NTRK3: variants seen among roughly 807,000 people sequenced by gnomAD.
The protein encoded by NTRK3 is neurotrophic receptor tyrosine kinase 3.
A neutral mutation model predicts 91.7 loss-of-function variants in NTRK3; 24 were observed. That is an observed-to-expected ratio of 0.26 (90% confidence interval 0.19 to 0.37). NTRK3 has a LOEUF of 0.37. Among genes scored for constraint, NTRK3 ranks in the 10% least tolerant of loss-of-function variants. NTRK3 has a pLI of 1.00. For missense variants in NTRK3, 880 were observed against 1,068.9 expected (o/e 0.82, Z 2.46); for synonymous variants, 483 against 404.0 (o/e 1.20, Z -2.34).
In NTRK3 at chr15:88,031,987, C is replaced by T. The variant is rs372234328; in HGVS notation, c.1585+870G>A. On this transcript the variant is annotated intron_variant, in intron 14 of 18. Coordinates refer to ENST00000394480, the Ensembl canonical transcript of NTRK3. ...CTGTAAGGTGAGGCCTCAACCTAGC[C>T]GATCACTTCTGTCCTTCCAGCTCTC... 8.2e-4 allele frequency among the ~76,000 whole-genome samples: 125 copies of T among 152,236 alleles called. 2 individuals are homozygous for T. In the South Asian group the frequency reaches 0.025, roughly 30 times the overall value.
chr15:87,967,716 G>C (rs1208668630), intron 14 of NTRK3, among the ~76,000 whole-genome samples: 2 of 152,154 alleles, frequency 1.3e-5, no homozygotes, highest in African/African-American at 4.8e-5. Context: ...TTCTTCTCCA[G>C]AGCAAGCAAA....
chr15:88,188,882 C>T (rs1367185091), intron 3 of NTRK3, among the ~76,000 whole-genome samples: 1 of 152,214 alleles, frequency 6.6e-6, no homozygotes, highest in African/African-American at 2.4e-5. Context: ...AGTTCCTCTC[C>T]TGGATTTCTC....
exon 8 of NTRK3, chr15:88,136,544 T>A (rs2151210280): frequency 6.2e-7 from 1 of 1,613,996 alleles, no homozygotes; most frequent in Non-Finnish European, 8.5e-7. Context: ...CCATTGCAAG[T>A]GATAACAGCG....
chr15:88,146,722 T>A (rs1184994569), intron 6 of NTRK3, among the ~76,000 whole-genome samples: 1 of 152,144 alleles, frequency 6.6e-6, no homozygotes, highest in African/African-American at 2.4e-5. Context: ...TGAAAAAATA[T>A]ATGGCCTCCC....
chr15:88,113,173 C>T (rs1002683343), intron 13 of NTRK3, among the ~76,000 whole-genome samples: 3 of 152,078 alleles, frequency 2.0e-5, no homozygotes, highest in African/African-American at 7.2e-5. Context: ...CTATGCAGGG[C>T]TGTATTAAGG....
intron 14 of NTRK3, among the ~76,000 whole-genome samples, chr15:88,012,962 C>T (rs567826055): frequency 4.6e-5 from 7 of 152,218 alleles, no homozygotes; most frequent in Non-Finnish European, 1.0e-4. Flanking sequence ...TTGGATAACC[C>T]CTGACTTCGA....
At chr15:88,114,554 G>T (rs1482997562) in intron 13 of NTRK3, among the ~76,000 whole-genome samples, 2 of 152,190 alleles carry the variant, frequency 1.3e-5, no homozygotes, top group African/African-American at 2.4e-5. Flanking sequence ...AAAATAGAAT[G>T]CAGTAGATCT....
At chr15:87,906,016 C>A (rs1031863338) in intron 17 of NTRK3, among the ~76,000 whole-genome samples, 2 of 152,192 alleles carry the variant, frequency 1.3e-5, no homozygotes, top group Non-Finnish European at 2.9e-5. Flanking sequence ...GCAAATCAGC[C>A]CACACATGGG....
intron 13 of NTRK3, among the ~76,000 whole-genome samples, chr15:88,112,913 G>T (rs568131441): frequency 5.3e-5 from 8 of 152,300 alleles, no homozygotes; most frequent in African/African-American, 1.9e-4. Context: ...GTTACCCCAG[G>T]ATCTGCACCA....
intron 5 of NTRK3, among the ~76,000 whole-genome samples, chr15:88,167,304 T>C (rs1167934883): frequency 6.6e-6 from 1 of 152,168 alleles, no homozygotes; most frequent in East Asian, 1.9e-4. Context: ...TGATTCACAC[T>C]AAGTCTTGAA....
intron 13 of NTRK3, among the ~76,000 whole-genome samples, chr15:88,087,821 G>A (rs2048646922): frequency 6.6e-6 from 1 of 152,198 alleles, no homozygotes; most frequent in Non-Finnish European, 1.5e-5. Flanking sequence ...GGTCGAGGTG[G>A]GTGGATCACC....
intron 3 of NTRK3, among the ~76,000 whole-genome samples, chr15:88,227,407 T>C (rs1567680958): frequency 6.6e-6 from 1 of 152,088 alleles, no homozygotes; most frequent in Non-Finnish European, 1.5e-5. Flanking sequence ...TTTAAAGAGG[T>C]AATTAAGATA....
At chr15:87,993,543 T>G (rs760038247) in intron 14 of NTRK3, among the ~76,000 whole-genome samples, 1 of 152,156 alleles carries the variant, frequency 6.6e-6, no homozygotes, top group African/African-American at 2.4e-5. Flanking sequence ...CTTTTTAATT[T>G]GATGGAAGCA....
chr15:88,135,964 G>T, exon 9 of NTRK3: 1 of 1,614,238 alleles, frequency 6.2e-7, no homozygotes, highest in East Asian at 2.2e-5. Flanking sequence ...GCACGTCAGG[G>T]TGAAGCCATT....
chr15:88,199,426 C>T (rs1048927599), intron 3 of NTRK3, among the ~76,000 whole-genome samples: 2 of 152,152 alleles, frequency 1.3e-5, no homozygotes, highest in African/African-American at 4.8e-5. Flanking sequence ...GCTCCTGGCT[C>T]CTAAAAAGCC....
intron 15 of NTRK3, among the ~76,000 whole-genome samples, chr15:87,939,224 A>C (rs769392563): frequency 1.3e-5 from 2 of 152,196 alleles, no homozygotes; most frequent in Non-Finnish European, 2.9e-5. Context: ...ATCAATGACA[A>C]TGATAATGAT....
intron 13 of NTRK3, among the ~76,000 whole-genome samples, chr15:88,045,820 C>T (rs538260168): frequency 1.7e-4 from 26 of 152,354 alleles, no homozygotes; most frequent in Admixed American, 3.9e-4. Flanking sequence ...CGCATGGCAT[C>T]TTCCTCTTTG....
chr15:88,098,235 C>A (rs1435016529), intron 13 of NTRK3, among the ~76,000 whole-genome samples: 1 of 152,148 alleles, frequency 6.6e-6, no homozygotes, highest in Non-Finnish European at 1.5e-5. Context: ...GAAGTGATAT[C>A]TTTTCTTAAT....
chr15:87,877,414 T>A (rs2064998897), intron 18 of NTRK3, among the ~76,000 whole-genome samples: 1 of 152,126 alleles, frequency 6.6e-6, no homozygotes, highest in Non-Finnish European at 1.5e-5. Context: ...TTTACCTCAC[T>A]TTTCTTCTCT....
Sources: allele counts gnomAD v4.1 joint callset (sites outside exome capture counted in the v4.1 genomes callset), GRCh38; gene constraint gnomAD v4.1.1; transcripts MANE v1.5; gene names NCBI Gene and HGNC (gene_info 2026-07-23, HGNC 2026-07-21).